CSMD1: variants seen among roughly 807,000 people sequenced by gnomAD.
CSMD1 encodes the protein CUB and sushi domain-containing protein 1.
In CSMD1, 213 loss-of-function variants were observed where a neutral mutation model predicts 417.5. That is an observed-to-expected ratio of 0.51 (90% confidence interval 0.46 to 0.57). The LOEUF is 0.57. Among genes scored for constraint, CSMD1 ranks in the 20% least tolerant of loss-of-function variants. The pLI, the probability that CSMD1 is intolerant of heterozygous loss-of-function variation, is 0.00. For synonymous variants in CSMD1, 2,862 were observed against 1,736.8 expected (o/e 1.65, Z -16.11); for missense variants, 6,923 against 4,529.7 (o/e 1.53, Z -15.17).
chr8:3,474,185 C>A (rs758425462), intron 11 of CSMD1, among the ~76,000 whole-genome samples: 4 of 152,130 alleles, frequency 2.6e-5, no homozygotes, highest in African/African-American at 9.7e-5. Flanking sequence ...CATCCCAAAG[C>A]TGTGCATGTG....
chr8:3,714,676 G>T (rs979981005), intron 6 of CSMD1, among the ~76,000 whole-genome samples: 14 of 151,740 alleles, frequency 9.2e-5, no homozygotes, highest in African/African-American at 2.9e-4. Context: ...GGCAGAGTTT[G>T]CAGTGAGCCG....
At chr8:3,867,147 G>A (rs1157017087) in intron 5 of CSMD1, among the ~76,000 whole-genome samples, 1 of 152,046 alleles carries the variant, frequency 6.6e-6, no homozygotes, top group Admixed American at 6.5e-5. Flanking sequence ...ACTGAGTGGT[G>A]GAAAAAGGCA....
In CSMD1 at chr8:2,998,039, C is replaced by T; in HGVS notation, c.8349G>A (p.Gln2783=). The change falls in exon 54 of 70, where the codon CAG becomes CAA. Residue 2783 remains glutamine (Q), a synonymous_variant. Transcript: ENST00000635120. ...VSRAQCRSNG[Q]WSSPLPTCRV... Reference sequence around the variant, plus strand: ...GACACGTGGGCAGAGGGCTACTCCACTGGCCGTTGCTCCGACACTGGGCTC... The same window carrying T: ...GACACGTGGGCAGAGGGCTACTCCATTGGCCGTTGCTCCGACACTGGGCTC... 6.2e-7 allele frequency: 1 copy of T among 1,613,958 alleles called. No individual in the cohort carries two copies. The highest frequency in any genetic ancestry group is 1.1e-5 in the South Asian group (1 of 91,086).
At chr8:3,759,569 C>G (rs1185297719) in intron 5 of CSMD1, among the ~76,000 whole-genome samples, 10 of 151,738 alleles carry the variant, frequency 6.6e-5, no homozygotes. Context: ...TGGGCATGAA[C>G]AGAGACAAGA....
At chr8:4,302,377 C>CT (rs1169669366) in intron 3 of CSMD1, among the ~76,000 whole-genome samples, 1 of 152,162 alleles carries the variant, frequency 6.6e-6, no homozygotes, top group Middle Eastern at 3.2e-3. Flanking sequence ...AGGGGTTATA[C>CT]TATTCAGGCA....
chr8:3,290,750 A>G (rs1471193312), intron 25 of CSMD1, among the ~76,000 whole-genome samples: 2 of 146,878 alleles, frequency 1.4e-5, no homozygotes, highest in Non-Finnish European at 2.9e-5. Context: ...TTTTCTAGAT[A>G]TACAATCATG....
chr8:3,976,159 C>G (rs1286907099), intron 5 of CSMD1, among the ~76,000 whole-genome samples: 1 of 151,744 alleles, frequency 6.6e-6, no homozygotes, highest in Non-Finnish European at 1.5e-5. Flanking sequence ...AATGCATAAC[C>G]TAAGGTTTCA....
At chr8:3,626,105 C>G (rs938455377) in intron 7 of CSMD1, among the ~76,000 whole-genome samples, 1 of 152,142 alleles carries the variant, frequency 6.6e-6, no homozygotes, top group Non-Finnish European at 1.5e-5. Context: ...CTGTCTGATT[C>G]CACATGGTGC....
chr8:3,981,571 T>A (rs1325623383), intron 5 of CSMD1, among the ~76,000 whole-genome samples: 2 of 147,902 alleles, frequency 1.4e-5, no homozygotes, highest in Non-Finnish European at 3.0e-5. Context: ...CCGTGTTCCA[T>A]CACATCACTC....
At chr8:3,916,609 G>A (rs1272041390) in intron 5 of CSMD1, among the ~76,000 whole-genome samples, 1 of 152,114 alleles carries the variant, frequency 6.6e-6, no homozygotes, top group African/African-American at 2.4e-5. Context: ...AACTTTAGTA[G>A]GCGACTGCAA....
chr8:4,945,303 T>C lies in CSMD1; in HGVS notation c.85+49029A>G, dbSNP rs114607760. On this transcript the variant is annotated intron_variant, in intron 1 of 69. Coordinates refer to ENST00000635120, the MANE Select transcript of CSMD1 (RefSeq NM_033225.6). ...CAGAGTTTTAGTTTTGCAAAATAAA[T>C]AAGTCCTGGAGATGGATGATGTGGT... 6.3e-3 allele frequency among the ~76,000 whole-genome samples: 957 copies of C among 152,210 alleles called. 8 individuals are homozygous for C. The highest frequency in any genetic ancestry group is 0.022 in the African/African-American group (919 of 41,534).
At chr8:4,620,646 G>A (rs1385046720) in intron 2 of CSMD1, among the ~76,000 whole-genome samples, 1 of 151,810 alleles carries the variant, frequency 6.6e-6, no homozygotes, top group African/African-American at 2.4e-5. Context: ...CATACAACAT[G>A]CTTCTTAAAA....
intron 7 of CSMD1, among the ~76,000 whole-genome samples, chr8:3,682,040 T>A (rs1799691889): frequency 1.3e-5 from 2 of 152,206 alleles, no homozygotes; most frequent in East Asian, 3.9e-4. Flanking sequence ...AAAAATTAAT[T>A]CAAGATGGAT....
At chr8:4,987,018 G>A (rs1013609112) in intron 1 of CSMD1, among the ~76,000 whole-genome samples, 1 of 151,970 alleles carries the variant, frequency 6.6e-6, no homozygotes, top group Non-Finnish European at 1.5e-5. Flanking sequence ...TATACATCAG[G>A]TATTACACAT....
intron 5 of CSMD1, among the ~76,000 whole-genome samples, chr8:3,958,102 A>G (rs896692849): frequency 6.6e-6 from 1 of 152,184 alleles, no homozygotes; most frequent in Non-Finnish European, 1.5e-5. Flanking sequence ...TGCTACTTGA[A>G]GAAAAAGTCA....
intron 1 of CSMD1, among the ~76,000 whole-genome samples, chr8:4,983,811 G>A (rs562293961): frequency 2.1e-5 from 3 of 143,504 alleles, no homozygotes; most frequent in Non-Finnish European, 4.5e-5. Flanking sequence ...AAAAAAATTA[G>A]ATCAAGGAGA....
rs1261433373 is a variant in CSMD1 at position 3,288,232 on chromosome 8, G to C, written c.3951-3886C>G. On this transcript the variant is annotated intron_variant, in intron 25 of 69. Coordinates refer to ENST00000635120, the MANE Select transcript of CSMD1 (RefSeq NM_033225.6). ...GTATTTTATTGAGGATTTTTGCATC[G>C]ATGTTCATCAGGGATATTGGTCTAA... Among the ~76,000 whole-genome samples, 2 of 147,124 alleles carry C rather than the reference G, an allele frequency of 1.4e-5. 1 individual carries two copies. The highest frequency in any genetic ancestry group is 5.4e-5 in the African/African-American group (2 of 37,004).
At chr8:3,296,499 T>C (rs895325674) in intron 25 of CSMD1, among the ~76,000 whole-genome samples, 1 of 152,062 alleles carries the variant, frequency 6.6e-6, no homozygotes, top group East Asian at 1.9e-4. Context: ...AAGGATGATA[T>C]ACCAAGGCAG....
At chr8:3,109,706 C>G (rs1437398705) in intron 43 of CSMD1, among the ~76,000 whole-genome samples, 5 of 152,058 alleles carry the variant, frequency 3.3e-5, no homozygotes, top group Admixed American at 6.6e-5. Flanking sequence ...TCCTGCTCCC[C>G]CTGTGGGCTC....
Sources: gnomAD v4.1 joint callset for allele counts (sites outside exome capture counted in the v4.1 genomes callset) on GRCh38, gnomAD v4.1.1 for gene constraint, MANE v1.5 for transcripts, NCBI Gene and HGNC (gene_info 2026-07-23, HGNC 2026-07-21) for gene names.